CDK19: variants seen among roughly 807,000 people sequenced by gnomAD.
CDK19 encodes the protein cyclin dependent kinase 19.
Under a neutral mutation model 68.3 loss-of-function variants are expected in CDK19, and 20 were observed. The ratio of observed to expected loss-of-function variants is 0.29; its 90% CI spans 0.21 to 0.43. CDK19 has a LOEUF of 0.43. Among genes scored for constraint, CDK19 ranks in the 20% least tolerant of loss-of-function variants. The pLI, the probability that CDK19 is intolerant of heterozygous loss-of-function variation, is 1.00. For missense variants in CDK19, 339 were observed against 623.5 expected (o/e 0.54, Z 4.86); for synonymous variants, 221 against 222.8 (o/e 0.99, Z 0.07).
At chr6:110,767,647 C>T (rs1359953677) in intron 1 of CDK19, among the ~76,000 whole-genome samples, 1 of 151,898 alleles carries the variant, frequency 6.6e-6, no homozygotes, top group African/African-American at 2.4e-5. Context: ...TGAGCCACAG[C>T]ACCCAGCCAT....
intron 2 of CDK19, among the ~76,000 whole-genome samples, chr6:110,726,888 C>T (rs1336576039): frequency 6.6e-6 from 1 of 152,022 alleles, no homozygotes; most frequent in African/African-American, 2.4e-5. Context: ...TTTCATAATC[C>T]CATAAAGTCT....
At chr6:110,623,972 C>A (rs1161227105) in intron 8 of CDK19, among the ~76,000 whole-genome samples, 3 of 148,432 alleles carry the variant, frequency 2.0e-5, no homozygotes, top group African/African-American at 5.0e-5. Flanking sequence ...ATCCAAATGT[C>A]CATCAACTGA....
At chr6:110,728,922 T>C (rs1776547806) in intron 2 of CDK19, among the ~76,000 whole-genome samples, 1 of 152,226 alleles carries the variant, frequency 6.6e-6, no homozygotes, top group African/African-American at 2.4e-5. Flanking sequence ...TCCTTAGCTC[T>C]TATCATCTTG....
intron 8 of CDK19, among the ~76,000 whole-genome samples, chr6:110,624,593 T>C (rs1472596248): frequency 6.6e-6 from 1 of 152,114 alleles, no homozygotes; most frequent in African/African-American, 2.4e-5. Flanking sequence ...ACACAGGAAT[T>C]TTTGCTTTGT....
chr6:110,624,842 A>C (rs753158096), intron 8 of CDK19, among the ~76,000 whole-genome samples: 6 of 152,228 alleles, frequency 3.9e-5, no homozygotes, highest in Non-Finnish European at 7.3e-5. Context: ...AGAGACCCCT[A>C]CTAGACCCTG....
chr6:110,700,702 T>C (rs968116479), intron 2 of CDK19: 2 of 170,764 alleles, frequency 1.2e-5, no homozygotes, highest in Non-Finnish European at 2.6e-5. Context: ...AGGACCAGTC[T>C]GTATGCCTAC....
chr6:110,677,570 TAAA>T (rs538974161), intron 2 of CDK19, among the ~76,000 whole-genome samples: 6 of 59,662 alleles, frequency 1.0e-4, no homozygotes, highest in East Asian at 5.5e-4. Flanking sequence ...CATCTCAACA[TAAA>T]AAAAAAAAAA....
At chr6:110,647,771 T>A (rs2114841913) in intron 4 of CDK19, among the ~76,000 whole-genome samples, 1 of 152,270 alleles carries the variant, frequency 6.6e-6, no homozygotes, top group Non-Finnish European at 1.5e-5. Flanking sequence ...AAAGATTAAA[T>A]GCTCCAAACA....
chr6:110,735,721 T>G (rs1777200848), intron 2 of CDK19, among the ~76,000 whole-genome samples: 1 of 152,194 alleles, frequency 6.6e-6, no homozygotes, highest in Non-Finnish European at 1.5e-5. Flanking sequence ...AGAATAAAAG[T>G]AGAACTCATC....
At chr6:110,747,182 T>A (rs1030648600) in intron 1 of CDK19, among the ~76,000 whole-genome samples, 3 of 152,192 alleles carry the variant, frequency 2.0e-5, no homozygotes, top group African/African-American at 7.2e-5. Flanking sequence ...GTCTTAGCTA[T>A]TCCTCATTTT....
chr6:110,626,753 TA>T, intron 8 of CDK19, 22 bp downstream of exon 8: 1 of 1,410,978 alleles, frequency 7.1e-7, no homozygotes, highest in Non-Finnish European at 9.8e-7. Flanking sequence ...ACAAAAAGAC[TA>T]AGACTGTGTG....
At chr6:110,656,616 T>C (rs1312429151) in intron 4 of CDK19, among the ~76,000 whole-genome samples, 1 of 152,238 alleles carries the variant, frequency 6.6e-6, no homozygotes, top group African/African-American at 2.4e-5. Context: ...GTATCTGTAA[T>C]ATAACACCTA....
At chr6:110,778,981 C>T (rs1309079349) in intron 1 of CDK19, among the ~76,000 whole-genome samples, 1 of 152,064 alleles carries the variant, frequency 6.6e-6, no homozygotes, top group Admixed American at 6.6e-5. Context: ...AGTCATCATG[C>T]CAAAACTGGA....
intron 2 of CDK19, among the ~76,000 whole-genome samples, chr6:110,673,799 C>A (rs1562183698): frequency 1.3e-5 from 2 of 152,118 alleles, no homozygotes; most frequent in Admixed American, 6.5e-5. Context: ...TAGATCACCT[C>A]TTTTAATGTG....
At chr6:110,770,744 C>T (rs1269478951) in intron 1 of CDK19, among the ~76,000 whole-genome samples, 5 of 152,108 alleles carry the variant, frequency 3.3e-5, no homozygotes, top group Admixed American at 1.3e-4. Context: ...AAGTCCCTTC[C>T]ACCTATGAGC....
intron 4 of CDK19, among the ~76,000 whole-genome samples, chr6:110,650,526 A>T (rs1780895340): frequency 6.6e-6 from 1 of 152,224 alleles, no homozygotes. Context: ...AAAGCAAGGC[A>T]TGGGGACAGG....
At chr6:110,661,521 C>G (rs556022204) in intron 4 of CDK19, among the ~76,000 whole-genome samples, 1 of 152,104 alleles carries the variant, frequency 6.6e-6, no homozygotes, top group Non-Finnish European at 1.5e-5. Context: ...ATACAAACAG[C>G]GCACTACAGC....
rs935916359 is a variant in CDK19 at position 110,729,421 on chromosome 6, A to G, written c.204+16705T>C. Among the ~76,000 whole-genome samples the G allele has an allele frequency of 1.2e-3, 175 of 147,894 alleles. 2 individuals are homozygous for G. The highest frequency in any genetic ancestry group is 0.012 in the Admixed American group (175 of 14,988). On this transcript the variant is annotated intron_variant, in intron 2 of 12. Transcript: ENST00000368911. ...AATTAAACGGAGTTTATTTTATGTT[A>G]TTTTGTTGTTTGTTTATTTATTTTT...
At chr6:110,696,415 G>A (rs1582885430) in intron 2 of CDK19, among the ~76,000 whole-genome samples, 1 of 152,268 alleles carries the variant, frequency 6.6e-6, no homozygotes, top group Non-Finnish European at 1.5e-5. Flanking sequence ...AAAGTTGAAA[G>A]CATTTCCACT....
Sources: allele counts gnomAD v4.1 joint callset (sites outside exome capture counted in the v4.1 genomes callset), GRCh38; gene constraint gnomAD v4.1.1; transcripts MANE v1.5; gene names NCBI Gene and HGNC (gene_info 2026-07-23, HGNC 2026-07-21).